The following MAP7 variants were observed in gnomAD, a reference collection of about 807,000 sequenced individuals.
MAP7 encodes microtubule associated protein 7.
MAP7 carries 52 observed loss-of-function variants against 94.8 expected under a neutral mutation model. That is an observed-to-expected ratio of 0.55 (90% confidence interval 0.44 to 0.69). MAP7 has a LOEUF of 0.69. MAP7 is among the 30% of genes least tolerant of loss of function. The pLI is 0.00. For missense variants in MAP7, 940 were observed against 964.6 expected (o/e 0.97, Z 0.34); for synonymous variants, 350 against 357.0 (o/e 0.98, Z 0.22).
chr6:136,396,264 C>A (rs1233317444), intron 3 of MAP7, among the ~76,000 whole-genome samples: 2 of 152,002 alleles, frequency 1.3e-5, no homozygotes, highest in Non-Finnish European at 2.9e-5. Context: ...TTGTAGCAAA[C>A]TTTTACCTCC....
intron 1 of MAP7, among the ~76,000 whole-genome samples, chr6:136,543,351 A>T (rs915793945): frequency 1.3e-5 from 2 of 152,194 alleles, no homozygotes; most frequent in Non-Finnish European, 2.9e-5. Context: ...CAGACTCAAA[A>T]GGTTACACAA....
intron 1 of MAP7, among the ~76,000 whole-genome samples, chr6:136,511,231 A>G (rs1322000582): frequency 2.0e-5 from 3 of 152,184 alleles, no homozygotes; most frequent in Non-Finnish European, 4.4e-5. Flanking sequence ...CTAAACTACT[A>G]GATGGGTAAG....
intron 1 of MAP7, among the ~76,000 whole-genome samples, chr6:136,431,710 G>T (rs1307063369): frequency 6.6e-6 from 1 of 152,158 alleles, no homozygotes; most frequent in South Asian, 2.1e-4. Context: ...TAGAGACGGG[G>T]TTTCACCATC....
chr6:136,422,387 A>T (rs145576916), intron 1 of MAP7, among the ~76,000 whole-genome samples: 2 of 152,232 alleles, frequency 1.3e-5, no homozygotes, highest in Middle Eastern at 3.4e-3. Flanking sequence ...TGCTGGAGGG[A>T]GGCTGTAGTT....
chr6:136,532,371 C>T (rs1562491985), intron 1 of MAP7, among the ~76,000 whole-genome samples: 1 of 152,056 alleles, frequency 6.6e-6, no homozygotes, highest in Non-Finnish European at 1.5e-5. Flanking sequence ...TAGGCCATAA[C>T]ATAGGAGACA....
intron 1 of MAP7, among the ~76,000 whole-genome samples, chr6:136,424,314 CTCT>C (rs897277677): frequency 5.0e-4 from 66 of 132,312 alleles, no homozygotes; most frequent in African/African-American, 1.8e-3. Context: ...ATTTGAATCT[CTCT>C]TCTTTCATTT....
At chr6:136,456,335 A>C (rs1802843381) in intron 1 of MAP7, among the ~76,000 whole-genome samples, 1 of 152,170 alleles carries the variant, frequency 6.6e-6, no homozygotes, top group African/African-American at 2.4e-5. Flanking sequence ...CAGCAAAAGC[A>C]GTGCTATGAG....
intron 16 of MAP7, among the ~76,000 whole-genome samples, chr6:136,355,453 T>C: frequency 6.6e-6 from 1 of 152,230 alleles, no homozygotes; most frequent in East Asian, 1.9e-4. Context: ...TCTTTGGTAT[T>C]ATAGTAGGCA....
intron 1 of MAP7, among the ~76,000 whole-genome samples, chr6:136,438,674 T>C (rs1208719630): frequency 6.6e-6 from 1 of 152,164 alleles, no homozygotes; most frequent in Non-Finnish European, 1.5e-5. Context: ...TTCATAATAT[T>C]TCATAATATT....
At position 136,389,368 on chromosome 6, in the gene MAP7, G is replaced by T. The variant is rs754659072; in HGVS notation, c.394C>A (p.Leu132Ile). The T allele has an allele frequency of 1.9e-6, 3 of 1,548,632 alleles. No homozygotes were observed. The highest frequency in any genetic ancestry group is 2.6e-6 in the Non-Finnish European group (3 of 1,154,048). The change falls in exon 4 of 18, where the codon CTT (leucine) becomes ATT (isoleucine). Residue 132 changes from leucine (L) to isoleucine (I), a missense_variant. Physicochemically the swap from Leu to Ile is conservative, Grantham distance 5. Coordinates refer to ENST00000354570, the MANE Select transcript of MAP7 (RefSeq NM_003980.6). ...AAVEEKRRQR[L>I]EEDKERHEAV... Reference sequence around the variant, plus strand: ...GGGCGGCTCACTTTGTCCTCCTCAAGTCTCTGCCTCCGCTTCTCCTCCACA... The same window carrying T: ...GGGCGGCTCACTTTGTCCTCCTCAATTCTCTGCCTCCGCTTCTCCTCCACA...
At chr6:136,414,248 G>A (rs1006737225) in intron 2 of MAP7, among the ~76,000 whole-genome samples, 4 of 7,564 alleles carry the variant, frequency 5.3e-4, no homozygotes, top group Non-Finnish European at 1.2e-3. Flanking sequence ...GCGAGACTCC[G>A]TCTCAAAAAA....
intron 1 of MAP7, among the ~76,000 whole-genome samples, chr6:136,441,606 C>T (rs1297662274): frequency 6.6e-6 from 1 of 152,070 alleles, no homozygotes; most frequent in African/African-American, 2.4e-5. Context: ...AGCTATTAGC[C>T]CCTTAAGCTG....
chr6:136,383,114 G>C (rs572684054), intron 6 of MAP7, among the ~76,000 whole-genome samples: 1 of 152,286 alleles, frequency 6.6e-6, no homozygotes, highest in South Asian at 2.1e-4. Flanking sequence ...TAATTATGAT[G>C]ATTTCTTGAA....
intron 1 of MAP7, among the ~76,000 whole-genome samples, chr6:136,548,824 A>T (rs902517226): frequency 1.3e-5 from 2 of 152,248 alleles, no homozygotes; most frequent in African/African-American, 4.8e-5. Context: ...GGTCAGGGTT[A>T]GGAACGAAAA....
At chr6:136,369,390 A>G (rs537178504) in intron 8 of MAP7, among the ~76,000 whole-genome samples, 1 of 152,196 alleles carries the variant, frequency 6.6e-6, no homozygotes, top group Non-Finnish European at 1.5e-5. Flanking sequence ...CCTGGCCTAC[A>G]TGGCGAAACC....
chr6:136,434,083 G>A (rs1271490385), intron 1 of MAP7, among the ~76,000 whole-genome samples: 2 of 152,100 alleles, frequency 1.3e-5, no homozygotes, highest in Admixed American at 1.3e-4. Flanking sequence ...AGGGCGAGTG[G>A]ATCGCTGAGC....
At chr6:136,375,091 C>T (rs895863019) in intron 7 of MAP7, among the ~76,000 whole-genome samples, 2 of 151,640 alleles carry the variant, frequency 1.3e-5, no homozygotes, top group African/African-American at 4.9e-5. Flanking sequence ...ATTTTCTATA[C>T]GAAATAATGG....
intron 1 of MAP7, among the ~76,000 whole-genome samples, chr6:136,461,606 T>G (rs536511250): frequency 1.3e-5 from 2 of 152,322 alleles, no homozygotes; most frequent in African/African-American, 4.8e-5. Flanking sequence ...GAAACACACT[T>G]ATATAACCTA....
At chr6:136,533,427 T>C (rs1424526781) in intron 1 of MAP7, among the ~76,000 whole-genome samples, 1 of 152,196 alleles carries the variant, frequency 6.6e-6, no homozygotes, top group African/African-American at 2.4e-5. Context: ...ATTCAGTGTA[T>C]GACTTTTTGG....
Sources: allele counts gnomAD v4.1 joint callset (sites outside exome capture counted in the v4.1 genomes callset), GRCh38; gene constraint gnomAD v4.1.1; transcripts MANE v1.5; gene names NCBI Gene and HGNC (gene_info 2026-07-23, HGNC 2026-07-21).